CDS1: variants seen among roughly 807,000 people sequenced by gnomAD.
CDS1 encodes the protein phosphatidate cytidylyltransferase 1.
CDS1 carries 41 observed loss-of-function variants against 62.1 expected under a neutral mutation model. The ratio of observed to expected loss-of-function variants is 0.66; its 90% CI spans 0.51 to 0.86. The LOEUF is 0.86. Ranked by LOEUF, CDS1 falls within the 40% of genes least tolerant of loss-of-function variation. CDS1 has a pLI of 0.00. For synonymous variants in CDS1, 185 were observed against 192.6 expected (o/e 0.96, Z 0.32); for missense variants, 470 against 550.1 (o/e 0.85, Z 1.46).
chr4:84,615,750 C>A (rs561031776), intron 3 of CDS1, among the ~76,000 whole-genome samples: 1 of 152,310 alleles, frequency 6.6e-6, no homozygotes, highest in South Asian at 2.1e-4. Flanking sequence ...CACTTAAATA[C>A]TGACTTGTTT....
intron 5 of CDS1, 140 bp from the exon 6 acceptor site, chr4:84,631,679 A>T (rs1724023780): frequency 2.6e-5 from 18 of 680,626 alleles, no homozygotes; most frequent in Middle Eastern, 3.3e-4. Context: ...TTAATGTAAG[A>T]TAGTAGGAGA....
In CDS1 at chr4:84,648,157, A is replaced by G. The variant is rs138003174; in HGVS notation, c.1257-400A>G. ...AGTTTCTTGGAAGTTAAAAATTTCA[A>G]TTATATTTTCATGCCCTCTTTTTGG... On this transcript the variant is annotated intron_variant, in intron 12 of 12. Coordinates refer to ENST00000295887, the MANE Select transcript of CDS1 (RefSeq NM_001263.4). Among the ~76,000 whole-genome samples the G allele has an allele frequency of 4.6e-5, 7 of 152,316 alleles. No homozygotes were observed. In the East Asian group the frequency reaches 5.8e-4, roughly 13 times the overall value.
chr4:84,599,062 G>A (rs1172942316), intron 1 of CDS1, among the ~76,000 whole-genome samples: 2 of 152,078 alleles, frequency 1.3e-5, no homozygotes, highest in African/African-American at 2.4e-5. Flanking sequence ...TGAAAATACT[G>A]TAGCCTAAAC....
chr4:84,615,265 C>T (rs930553765), intron 3 of CDS1, among the ~76,000 whole-genome samples: 4 of 152,078 alleles, frequency 2.6e-5, no homozygotes, highest in Admixed American at 6.5e-5. Flanking sequence ...GTCTTCTTCT[C>T]TACTCCGCTA....
intron 12 of CDS1, among the ~76,000 whole-genome samples, chr4:84,647,842 CT>C (rs1419592643): frequency 2.6e-5 from 4 of 152,172 alleles, no homozygotes; most frequent in Non-Finnish European, 4.4e-5. Flanking sequence ...TGTGAACAAT[CT>C]TTACTGTAAG....
At chr4:84,592,184 G>A (rs1469362655) in intron 1 of CDS1, among the ~76,000 whole-genome samples, 1 of 30,076 alleles carries the variant, frequency 3.3e-5, no homozygotes, top group Admixed American at 4.6e-4. Context: ...TTTTTTTTGA[G>A]GCAGAGTCTC....
chr4:84,645,085 GTTTTTA>G, intron 11 of CDS1, 131 bp from the exon 12 acceptor site: 1 of 647,950 alleles, frequency 1.5e-6, no homozygotes. Flanking sequence ...GTTCTAATAA[GTTTTTA>G]TTTAGTGAAA....
At chr4:84,633,512 T>G (rs995270702) in intron 6 of CDS1, among the ~76,000 whole-genome samples, 1 of 152,228 alleles carries the variant, frequency 6.6e-6, no homozygotes, top group Non-Finnish European at 1.5e-5. Context: ...ATGTTCCCCT[T>G]TAAATGTTGT....
chr4:84,648,736 ACT>A lies in CDS1; in HGVS notation c.*51_*52del. The A allele has an allele frequency of 6.5e-7, 1 of 1,546,886 alleles. No homozygotes were observed. The highest frequency in any genetic ancestry group is 8.8e-7 in the Non-Finnish European group (1 of 1,140,098). ...ACAAGAAGGAATTATTCAGAAAAACACTGACAGATGTTTTATAAATTGTACAG... is the reference window on the plus strand; with the variant it reads ...ACAAGAAGGAATTATTCAGAAAAACAGACAGATGTTTTATAAATTGTACAG... On this transcript the variant is annotated 3_prime_UTR_variant, in exon 13 of 13. Coordinates refer to ENST00000295887, the MANE Select transcript of CDS1 (RefSeq NM_001263.4).
intron 1 of CDS1, among the ~76,000 whole-genome samples, chr4:84,601,172 C>CAAA (rs59688950): frequency 4.5e-5 from 4 of 88,254 alleles, no homozygotes; most frequent in African/African-American, 1.8e-4. Flanking sequence ...GACCCTGTCT[C>CAAA]AAAAAAAAAA....
chr4:84,648,406 A>G, intron 12 of CDS1, 151 bp from the exon 13 acceptor site: 1 of 659,552 alleles, frequency 1.5e-6, no homozygotes. Context: ...AACATTGCAC[A>G]TTAAAGTGAG....
chr4:84,592,472 C>T (rs1337445007), intron 1 of CDS1, among the ~76,000 whole-genome samples: 1 of 152,106 alleles, frequency 6.6e-6, no homozygotes, highest in Non-Finnish European at 1.5e-5. Flanking sequence ...TGTGCCCAGC[C>T]AACCAATTGG....
intron 1 of CDS1, among the ~76,000 whole-genome samples, 199 bp from the exon 2 acceptor site, chr4:84,604,041 TTAG>T (rs1406582643): frequency 6.6e-6 from 1 of 152,200 alleles, no homozygotes; most frequent in Non-Finnish European, 1.5e-5. Context: ...CTTTGTATTA[TTAG>T]TAGTAGATTT....
chr4:84,633,872 G>T lies in CDS1; in HGVS notation c.655G>T (p.Val219Phe). The change falls in exon 7 of 13, where the codon GTC becomes TTC. Residue 219 changes from valine to phenylalanine, a missense_variant. By Grantham distance (50) the Val-to-Phe change is conservative. Transcript: ENST00000295887. The part of the protein sequence containing the change: ...LQFYMFAWTH[V>F]TLLITVTQSH... ...CTATTAACAGTTCGCATGGACTCATGTCACTTTACTGATAACTGTCACTCA... is the reference window on the plus strand; with the variant it reads ...CTATTAACAGTTCGCATGGACTCATTTCACTTTACTGATAACTGTCACTCA... 6.2e-7 allele frequency: 1 copy of T among 1,602,862 alleles called. No homozygotes were observed. Among genetic ancestry groups the T allele is most frequent in the Non-Finnish European group, 8.5e-7 (1 of 1,173,892 alleles).
chr4:84,587,304 A>G (rs1205210965), intron 1 of CDS1, among the ~76,000 whole-genome samples: 1 of 152,222 alleles, frequency 6.6e-6, no homozygotes, highest in East Asian at 1.9e-4. Context: ...TGAGTTTAAT[A>G]ATTCTGTATA....
At chr4:84,641,495 G>A (rs1055884532) in intron 10 of CDS1, among the ~76,000 whole-genome samples, 2 of 152,186 alleles carry the variant, frequency 1.3e-5, no homozygotes, top group African/African-American at 4.8e-5. Context: ...ATGAGAACGG[G>A]TTACAAATCA....
At chr4:84,591,154 G>A (rs2110034476) in intron 1 of CDS1, among the ~76,000 whole-genome samples, 1 of 152,278 alleles carries the variant, frequency 6.6e-6, no homozygotes, top group East Asian at 1.9e-4. Flanking sequence ...ATATACACAT[G>A]TAGTATGAGT....
intron 4 of CDS1, 84 bp downstream of exon 4, chr4:84,617,745 C>T: frequency 3.3e-6 from 2 of 601,100 alleles, no homozygotes; most frequent in East Asian, 5.9e-5. Flanking sequence ...TCAGTATCCA[C>T]TCAATTTACC....
intron 4 of CDS1, among the ~76,000 whole-genome samples, chr4:84,618,620 G>A (rs139651681): frequency 1.1e-3 from 164 of 152,276 alleles, no homozygotes; most frequent in African/African-American, 3.7e-3. Flanking sequence ...TTATACTACC[G>A]TTGATGAGAC....
Sources: allele counts gnomAD v4.1 joint callset (sites outside exome capture counted in the v4.1 genomes callset), GRCh38; gene constraint gnomAD v4.1.1; transcripts MANE v1.5; gene names NCBI Gene and HGNC (gene_info 2026-07-23, HGNC 2026-07-21).